Variants in CCDC141 observed in about 807,000 individuals in gnomAD.
The protein encoded by CCDC141 is coiled-coil domain-containing protein 141.
Under a neutral mutation model 181.0 loss-of-function variants are expected in CCDC141, and 168 were observed. The ratio of observed to expected loss-of-function variants is 0.93; its 90% CI spans 0.82 to 1.05. The LOEUF is 1.05. Among genes scored for constraint, CCDC141 ranks in the 50% least tolerant of loss-of-function variants. The pLI is 0.00. For synonymous variants in CCDC141, 666 were observed against 642.3 expected, an observed-to-expected ratio of 1.04 and a Z score of -0.56; for missense variants, 1,902 against 1,788.5, an observed-to-expected ratio of 1.06 and a Z score of -1.14.
intron 1 of CCDC141, among the ~76,000 whole-genome samples, chr2:179,047,849 A>G (rs1314311975): frequency 6.6e-6 from 1 of 152,180 alleles, no homozygotes; most frequent in East Asian, 1.9e-4. Flanking sequence ...TGTAAATGCA[A>G]TTTAGGCTGA....
chr2:178,951,761 AG>A (rs1465994861), intron 5 of CCDC141, among the ~76,000 whole-genome samples: 3 of 152,184 alleles, frequency 2.0e-5, no homozygotes, highest in African/African-American at 7.2e-5. Context: ...AGGCAGCCCC[AG>A]GGCTTAGCAG....
chr2:178,907,746 C>A (rs930630950), intron 7 of CCDC141, among the ~76,000 whole-genome samples: 1 of 152,120 alleles, frequency 6.6e-6, no homozygotes, highest in Non-Finnish European at 1.5e-5. Context: ...GTAATCCCAG[C>A]ACTTTGGGAG....
intron 11 of CCDC141, among the ~76,000 whole-genome samples, chr2:178,880,598 A>G (rs1686554327): frequency 6.6e-6 from 1 of 152,184 alleles, no homozygotes; most frequent in Non-Finnish European, 1.5e-5. Flanking sequence ...AGAAAAAACA[A>G]AAGGGAAAGA....
the CCDC141 span, among the ~76,000 whole-genome samples, chr2:178,824,096 C>A: frequency 2.7e-5 from 3 of 112,960 alleles, no homozygotes; most frequent in Admixed American, 2.4e-4. Flanking sequence ...ACACGTATAG[C>A]AAAGATTCAA....
At chr2:179,018,606 A>G (rs772972221) in intron 2 of CCDC141, among the ~76,000 whole-genome samples, 3 of 152,260 alleles carry the variant, frequency 2.0e-5, no homozygotes, top group Non-Finnish European at 4.4e-5. Flanking sequence ...TCCCAATTAC[A>G]ATGCTGCCTT....
intron 11 of CCDC141, among the ~76,000 whole-genome samples, chr2:178,878,546 T>C (rs1686457602): frequency 6.7e-6 from 1 of 149,044 alleles, no homozygotes; most frequent in South Asian, 2.1e-4. Flanking sequence ...CTCGGACTCC[T>C]GGGCTCAAGA....
At chr2:178,972,881 G>A (rs1466181169) in intron 4 of CCDC141, among the ~76,000 whole-genome samples, 1 of 152,128 alleles carries the variant, frequency 6.6e-6, no homozygotes, top group African/African-American at 2.4e-5. Flanking sequence ...ACATATTAGG[G>A]AGCCTTAGCA....
chr2:179,011,082 T>G (rs1205992655), intron 2 of CCDC141, among the ~76,000 whole-genome samples: 1 of 151,650 alleles, frequency 6.6e-6, no homozygotes, highest in Non-Finnish European at 1.5e-5. Flanking sequence ...CACTTGAACC[T>G]GGGAGGCAGA....
chr2:179,034,182 TGTCCTTTGCA>T (rs1397058902), intron 2 of CCDC141, among the ~76,000 whole-genome samples: 2 of 152,310 alleles, frequency 1.3e-5, no homozygotes, highest in East Asian at 3.9e-4. Flanking sequence ...AATGAGATAA[TGTCCTTTGCA>T]GTGACATAGA....
chr2:178,952,284 C>A (rs1263849311), intron 5 of CCDC141, among the ~76,000 whole-genome samples: 1 of 152,106 alleles, frequency 6.6e-6, no homozygotes, highest in Non-Finnish European at 1.5e-5. Context: ...CAGAAAGTGA[C>A]CATCAAAGTA....
intron 14 of CCDC141, among the ~76,000 whole-genome samples, chr2:178,871,196 T>A (rs1009938469): frequency 6.6e-6 from 1 of 152,194 alleles, no homozygotes; most frequent in Non-Finnish European, 1.5e-5. Flanking sequence ...AAATCTAATA[T>A]AAAAATCTAT....
chr2:178,961,574 A>G (rs1308204094), intron 4 of CCDC141, 91 bp from the exon 5 acceptor site: 8 of 1,019,620 alleles, frequency 7.8e-6, no homozygotes, highest in African/African-American at 1.6e-5. Flanking sequence ...AAATATATGT[A>G]ATTTTTATGT....
At chr2:178,820,365 T>G in the CCDC141 span, among the ~76,000 whole-genome samples, 2 of 152,146 alleles carry the variant, frequency 1.3e-5, no homozygotes, top group Non-Finnish European at 2.9e-5. Context: ...AAGATTCTGA[T>G]AAGTTCACGC....
chr2:179,047,253 T>C (rs1559070615), intron 2 of CCDC141, 31 bp downstream of exon 2: 3 of 1,497,864 alleles, frequency 2.0e-6, no homozygotes, highest in Non-Finnish European at 8.9e-7. Context: ...TCTCTTTAAT[T>C]TTGTTTCTGC....
intron 23 of CCDC141, among the ~76,000 whole-genome samples, chr2:178,834,974 G>T (rs779719427): frequency 5.9e-5 from 9 of 151,938 alleles, no homozygotes; most frequent in Non-Finnish European, 1.0e-4. Flanking sequence ...TTGGAATATT[G>T]CATATGAAAA....
chr2:178,879,673 C>A (rs925196038), intron 11 of CCDC141, among the ~76,000 whole-genome samples: 1 of 152,132 alleles, frequency 6.6e-6, no homozygotes, highest in Admixed American at 6.5e-5. Flanking sequence ...CATATACAGA[C>A]AATATTATGG....
intron 2 of CCDC141, among the ~76,000 whole-genome samples, chr2:178,999,564 A>G (rs1692428745): frequency 6.6e-6 from 1 of 152,142 alleles, no homozygotes; most frequent in Admixed American, 6.5e-5. Flanking sequence ...AATTGATTTT[A>G]AGATAAAAAA....
chr2:179,002,266 A>T, intron 2 of CCDC141: 1 of 247,286 alleles, frequency 4.0e-6, no homozygotes, highest in Non-Finnish European at 8.1e-6. Flanking sequence ...GCCCATGACC[A>T]TGTCCACCTG....
Position 178,855,403 on chromosome 2 carries a change from T to A in CCDC141, c.3004A>T (p.Thr1002Ser). 1 of 1,612,364 alleles carries A rather than the reference T, an allele frequency of 6.2e-7. No homozygotes were observed. Among genetic ancestry groups the A allele is most frequent in the Non-Finnish European group, 8.5e-7 (1 of 1,179,418 alleles). ...KHVDDFDKVV[T>S]DYKKNLDLTE... is the part of the protein sequence containing the mutation. ...AGGTCCAAATTCTTCTTGTAATCTG[T>A]CACAACTTTGTCAAAGTCATCCACA... The change falls in exon 19 of 24, where the codon ACA becomes TCA. Residue 1002 changes from threonine to serine, a missense_variant. Transcript: ENST00000443758.
Sources: allele counts gnomAD v4.1 joint callset (sites outside exome capture counted in the v4.1 genomes callset), GRCh38; gene constraint gnomAD v4.1.1; transcripts MANE v1.5; gene names NCBI Gene and HGNC (gene_info 2026-07-23, HGNC 2026-07-21).